Variants in STARD13 observed in about 807,000 individuals in gnomAD.
The protein encoded by STARD13 is stAR-related lipid transfer protein 13.
Under a neutral mutation model 106.4 loss-of-function variants are expected in STARD13, and 62 were observed. The ratio of observed to expected loss-of-function variants is 0.58; its 90% CI spans 0.48 to 0.72. The LOEUF is 0.72. Ranked by LOEUF, STARD13 falls within the 30% of genes least tolerant of loss-of-function variation. STARD13 has a pLI of 0.00. For missense variants in STARD13, 1,387 were observed against 1,424.0 expected, an observed-to-expected ratio of 0.97 and a Z score of 0.42; for synonymous variants, 565 against 553.0, an observed-to-expected ratio of 1.02 and a Z score of -0.31.
chr13:33,437,231 G>T, the STARD13 span, among the ~76,000 whole-genome samples: 1 of 152,112 alleles, frequency 6.6e-6, no homozygotes, highest in South Asian at 2.1e-4. Context: ...ATCCTGTTTT[G>T]TTCCAATCTA....
the STARD13 span, among the ~76,000 whole-genome samples, chr13:33,360,425 C>CT: frequency 6.6e-6 from 1 of 151,732 alleles, no homozygotes; most frequent in Non-Finnish European, 1.5e-5. Flanking sequence ...AGGCTGGTCT[C>CT]TATCTCCTGA....
At chr13:33,177,351 A>G (rs1396060841) in intron 1 of STARD13, among the ~76,000 whole-genome samples, 1 of 152,220 alleles carries the variant, frequency 6.6e-6, no homozygotes, top group Non-Finnish European at 1.5e-5. Context: ...CACACAGTCA[A>G]ATCAAGGCAA....
At chr13:33,203,692 GA>G (rs745597617) in intron 1 of STARD13, among the ~76,000 whole-genome samples, 2 of 151,530 alleles carry the variant, frequency 1.3e-5, no homozygotes, top group Non-Finnish European at 2.9e-5. Context: ...TCTACAAAGA[GA>G]AAAAAAATAG....
chr13:33,623,190 T>A, the STARD13 span, among the ~76,000 whole-genome samples: 14 of 152,132 alleles, frequency 9.2e-5, no homozygotes, highest in Admixed American at 2.6e-4. Flanking sequence ...ATTTACCACA[T>A]TTAAAGAATA....
At chr13:33,467,814 T>G in the STARD13 span, among the ~76,000 whole-genome samples, 1 of 152,204 alleles carries the variant, frequency 6.6e-6, no homozygotes, top group African/African-American at 2.4e-5. Flanking sequence ...ATATTATGTC[T>G]CATCCCCAGG....
intron 1 of STARD13, among the ~76,000 whole-genome samples, chr13:33,253,843 A>G (rs1185603421): frequency 3.9e-5 from 6 of 152,244 alleles, no homozygotes; most frequent in African/African-American, 1.4e-4. Context: ...GATAAAAATA[A>G]AGGCCTCTCT....
At chr13:33,508,409 A>C in the STARD13 span, among the ~76,000 whole-genome samples, 247 of 152,338 alleles carry the variant, frequency 1.6e-3, 1 homozygote, top group Admixed American at 7.5e-3. Flanking sequence ...AGTAGGGACA[A>C]GTGGAAAAAA....
chr13:33,420,037 A>T, the STARD13 span, among the ~76,000 whole-genome samples: 1 of 152,234 alleles, frequency 6.6e-6, no homozygotes, highest in Non-Finnish European at 1.5e-5. Context: ...GCTATGAAGA[A>T]ACTGCAACAA....
At chr13:33,143,094 C>T (rs961515867) in intron 3 of STARD13, among the ~76,000 whole-genome samples, 10 of 152,174 alleles carry the variant, frequency 6.6e-5, no homozygotes, top group Non-Finnish European at 1.5e-4. Flanking sequence ...AGGAGCCAAA[C>T]CCTGCCAGCA....
intron 1 of STARD13, among the ~76,000 whole-genome samples, chr13:33,324,899 T>C (rs1387348914): frequency 6.6e-6 from 1 of 152,212 alleles, no homozygotes; most frequent in Non-Finnish European, 1.5e-5. Context: ...CCTTCCTTTC[T>C]GAAAATGGGT....
At chr13:33,249,650 G>A (rs940188066) in intron 1 of STARD13, among the ~76,000 whole-genome samples, 11 of 152,110 alleles carry the variant, frequency 7.2e-5, no homozygotes, top group African/African-American at 2.7e-4. Context: ...TAACCTGTCT[G>A]TATCAATTAA....
At chr13:33,171,695 G>A (rs187992666) in intron 1 of STARD13, among the ~76,000 whole-genome samples, 139 of 152,324 alleles carry the variant, frequency 9.1e-4, no homozygotes, top group African/African-American at 2.8e-3. Context: ...GAAATCAACT[G>A]GTTGAAAAGG....
At chr13:33,462,547 C>T in the STARD13 span, among the ~76,000 whole-genome samples, 1 of 152,158 alleles carries the variant, frequency 6.6e-6, no homozygotes, top group East Asian at 1.9e-4. Context: ...CAGTCCAAGT[C>T]CCAAAACCTC....
chr13:33,481,516 A>G, the STARD13 span, among the ~76,000 whole-genome samples: 1 of 152,218 alleles, frequency 6.6e-6, no homozygotes. Flanking sequence ...AAATGCAATC[A>G]TCAAAGTCCA....
chr13:33,544,322 C>T, the STARD13 span, among the ~76,000 whole-genome samples: 1 of 152,292 alleles, frequency 6.6e-6, no homozygotes, highest in South Asian at 2.1e-4. Flanking sequence ...ATGATCATCT[C>T]AGAACTTGTC....
the STARD13 span, among the ~76,000 whole-genome samples, chr13:33,532,302 T>G: frequency 6.6e-6 from 1 of 152,208 alleles, no homozygotes; most frequent in Non-Finnish European, 1.5e-5. Context: ...AAACTGAAGT[T>G]TATCTAATTA....
the STARD13 span, among the ~76,000 whole-genome samples, chr13:33,620,910 T>G: frequency 6.6e-6 from 1 of 151,782 alleles, no homozygotes; most frequent in African/African-American, 2.4e-5. Context: ...AAAGGAAATA[T>G]TAGAAATCTT....
chr13:33,289,361 T>C (rs1892198786), upstream of STARD13, among the ~76,000 whole-genome samples: 3 of 152,170 alleles, frequency 2.0e-5, no homozygotes, highest in Admixed American at 6.5e-5. Flanking sequence ...GGGAACAGCA[T>C]TGAGCACCTA....
chr13:33,443,973 T>C, the STARD13 span, among the ~76,000 whole-genome samples: 91 of 149,048 alleles, frequency 6.1e-4, no homozygotes, highest in Admixed American at 4.0e-3. Flanking sequence ...ACTGCTCCTA[T>C]TGGGGGGATA....
Sources: gnomAD v4.1 joint callset for allele counts (sites outside exome capture counted in the v4.1 genomes callset) on GRCh38, gnomAD v4.1.1 for gene constraint, MANE v1.5 for transcripts, NCBI Gene and HGNC (gene_info 2026-07-23, HGNC 2026-07-21) for gene names.